Variants in TMEM59L observed in about 807,000 individuals in gnomAD.
TMEM59L encodes the protein transmembrane protein 59 like.
In TMEM59L, 31 loss-of-function variants were observed where a neutral mutation model predicts 39.6. The ratio of observed to expected loss-of-function variants is 0.78; its 90% CI spans 0.59 to 1.06. TMEM59L has a LOEUF of 1.06. Among genes scored for constraint, TMEM59L ranks in the 50% least tolerant of loss-of-function variants. The pLI, the probability that TMEM59L is intolerant of heterozygous loss-of-function variation, is 0.00. For synonymous variants in TMEM59L, 219 were observed against 202.9 expected, an observed-to-expected ratio of 1.08 and a Z score of -0.68; for missense variants, 441 against 451.3, an observed-to-expected ratio of 0.98 and a Z score of 0.21.
chr19:18,613,285 T>C (rs1976390359), intron 1 of TMEM59L, among the ~76,000 whole-genome samples, 156 bp downstream of exon 1: 2 of 152,104 alleles, frequency 1.3e-5, no homozygotes, highest in South Asian at 2.1e-4. Context: ...TCTCCAGTAG[T>C]TGACGGGCTG....
intron 7 of TMEM59L, among the ~76,000 whole-genome samples, chr19:18,619,099 C>T (rs1443471970): frequency 6.6e-6 from 1 of 152,136 alleles, no homozygotes; most frequent in African/African-American, 2.4e-5. Context: ...TCAAGCAATC[C>T]TCCTGCCTCA....
At position 18,616,071 on chromosome 19, in the gene TMEM59L, T is replaced by C; in HGVS notation, c.505T>C (p.Ser169Pro). The C allele has an allele frequency of 6.2e-7, 1 of 1,614,072 alleles. No individual in the cohort carries two copies. ...DLVNSAQGFV[S>P]STWTYYLQTD... ...TGTCAACTCAGCCCAGGGATTTGTC[T>C]CCTCCACCTGGACATACTACTTGCA... The change falls in exon 4 of 8, where the codon TCC (serine) becomes CCC (proline). Residue 169 changes from serine to proline, a missense_variant. Coordinates refer to ENST00000262817, the MANE Select transcript of TMEM59L (RefSeq NM_012109.3).
chr19:18,618,630 C>CAT (rs1030292308), intron 7 of TMEM59L, 138 bp downstream of exon 7: 45 of 575,624 alleles, frequency 7.8e-5, no homozygotes, highest in East Asian at 2.0e-4. Context: ...CATGTATATA[C>CAT]ATATATATAC....
At chr19:18,619,497 A>C (rs1353133604) in intron 7 of TMEM59L, among the ~76,000 whole-genome samples, 1 of 152,156 alleles carries the variant, frequency 6.6e-6, no homozygotes, top group Non-Finnish European at 1.5e-5. Flanking sequence ...TTGTCACTAC[A>C]AATCATTTAA....
At chr19:18,617,243 G>T (rs1215683179) in intron 5 of TMEM59L, 141 bp downstream of exon 5, 1 of 717,018 alleles carries the variant, frequency 1.4e-6, no homozygotes, top group Non-Finnish European at 2.5e-6. Flanking sequence ...AGGTCTCCAT[G>T]GTCTATTTCC....
intron 4 of TMEM59L, 120 bp from the exon 5 acceptor site, chr19:18,616,880 C>G: frequency 1.3e-6 from 1 of 748,976 alleles, no homozygotes; most frequent in Non-Finnish European, 2.2e-6. Context: ...AAGCCCACCC[C>G]TGATACCCAG....
chr19:18,619,726 C>A (rs1255097183), intron 7 of TMEM59L, among the ~76,000 whole-genome samples: 1 of 150,834 alleles, frequency 6.6e-6, no homozygotes, highest in Non-Finnish European at 1.5e-5. Context: ...ATGGCGTGAA[C>A]CCAGGAGGAG....
rs775043606 is a variant in TMEM59L, at chr19:18,618,366, G to A, written c.783-9G>A. ...TGGGCAGCTGAGTGGTGCCTGCCGG[G>A]CGGGGCAGGCGCTCGGGTCTGCCTC... On this transcript the variant is annotated splice_polypyrimidine_tract_variant and intron_variant, in intron 6 of 7. Coordinates refer to ENST00000262817, the MANE Select transcript of TMEM59L (RefSeq NM_012109.3). 6.2e-7 allele frequency: 1 copy of A among 1,605,500 alleles called. No individual in the cohort carries two copies. Among genetic ancestry groups the A allele is most frequent in the Non-Finnish European group, 8.5e-7 (1 of 1,178,170 alleles).
rs374152488 is a variant in TMEM59L at position 18,618,522 on chromosome 19, C to T, written c.900+30C>T. 136 of 1,582,760 alleles carry T rather than the reference C, an allele frequency of 8.6e-5. No individual in the cohort carries two copies. In the African/African-American group the frequency reaches 1.6e-3, roughly 19 times the overall value. On this transcript the variant is annotated intron_variant, in intron 7 of 7. Transcript: ENST00000262817. ...GTGGGATCTGTGAATGGCGCTGGGC[C>T]GAGGGAGGGGGTGAAGGCAGAGAGA...
chr19:18,615,945 A>T, intron 3 of TMEM59L, 30 bp from the exon 4 acceptor site: 1 of 1,608,018 alleles, frequency 6.2e-7, no homozygotes, highest in Non-Finnish European at 8.5e-7. Flanking sequence ...TTTCGGTGCC[A>T]TCTTTGTGTC....
Position 18,614,087 on chromosome 19 carries a change from G to A in TMEM59L, c.317-17G>A, listed in dbSNP as rs1037064331. ...TGGGAAGGGCCGTCCCCAGTCACCC[G>A]CTCCCACCTCCCACAGCCTGCGTGG... is the stretch of plus-strand genomic sequence containing the variant. On this transcript the variant is annotated splice_polypyrimidine_tract_variant and intron_variant, in intron 2 of 7. Transcript: ENST00000262817. The A allele has an allele frequency of 9.9e-6, 16 of 1,612,102 alleles. 1 individual carries two copies. In the South Asian group the frequency reaches 1.6e-4, roughly 17 times the overall value.
chr19:18,618,291 G>C lies in TMEM59L; in HGVS notation c.782+19G>C. 2.0e-6 allele frequency: 2 copies of C among 1,005,798 alleles called. No individual in the cohort carries two copies. Among genetic ancestry groups the C allele is most frequent in the South Asian group, 1.3e-5 (1 of 78,062 alleles). The allele number at this position is 1,005,798 out of a possible 1,614,324, so 62.3% of individuals were successfully genotyped here. A position where few individuals can be genotyped will look rare whatever the true frequency, so the allele number is the denominator to read the frequency against. On this transcript the variant is annotated intron_variant, in intron 6 of 7. Coordinates refer to ENST00000262817, the MANE Select transcript of TMEM59L (RefSeq NM_012109.3). Reference sequence around the variant, plus strand: ...TGTCCCGGTGGGTGGCAGGACCTTGGGGGTGGGAGGGGGGTGGGACTGGAG... The same window carrying C: ...TGTCCCGGTGGGTGGCAGGACCTTGCGGGTGGGAGGGGGGTGGGACTGGAG...
intron 5 of TMEM59L, 23 bp downstream of exon 5, chr19:18,617,125 G>T (rs1224223590): frequency 6.3e-7 from 1 of 1,591,464 alleles, no homozygotes; most frequent in Non-Finnish European, 8.6e-7. Flanking sequence ...CTAGACCAGT[G>T]TTCCTTCCAT....
At chr19:18,618,311 C>G in intron 6 of TMEM59L, 39 bp downstream of exon 6, 4 of 1,593,892 alleles carry the variant, frequency 2.5e-6, no homozygotes, top group South Asian at 1.1e-5. Flanking sequence ...GGGGGTGGGA[C>G]TGGAGGTACG....
chr19:18,613,365 G>A (rs1976391412), intron 1 of TMEM59L, among the ~76,000 whole-genome samples: 1 of 151,986 alleles, frequency 6.6e-6, no homozygotes, highest in Non-Finnish European at 1.5e-5. Context: ...CCACCTCCCG[G>A]GCTCCTTCCG....
chr19:18,612,950 C>T lies in TMEM59L; in HGVS notation c.-9C>T. 2 of 1,300,712 alleles carry T rather than the reference C, an allele frequency of 1.5e-6. No homozygotes were observed. The highest frequency in any genetic ancestry group is 3.1e-5 in the East Asian group (1 of 31,778). 80.6% of individuals were successfully genotyped at this position (1,300,712 alleles called of 1,614,324 possible). A position where few individuals can be genotyped will look rare whatever the true frequency, so the allele number is the denominator to read the frequency against. ...GGAGTCCCCCGCGCCCCCCGCGTTC[C>T]GCCCGGCCATGGCTGCGGTGGCGCT... On this transcript the variant is annotated 5_prime_UTR_variant, in exon 1 of 8. Coordinates refer to ENST00000262817, the MANE Select transcript of TMEM59L (RefSeq NM_012109.3). This position sits in a 1 kb window ranked among gnomAD's most constrained non-coding sequence, Gnocchi z 6.2.
At position 18,613,136 on chromosome 19, in the gene TMEM59L, C is replaced by G. The variant is rs1370420736; in HGVS notation, c.171+7C>G. On this transcript the variant is annotated splice_region_variant and intron_variant, in intron 1 of 7. Transcript: ENST00000262817. ...CGGCCCGCAGCCCTCGCAGGTGAGG[C>G]GCGTGCGGTGCCAGGTGCCAGCGGG... 2 of 1,275,340 alleles carry G rather than the reference C, an allele frequency of 1.6e-6. No homozygotes were observed. The highest frequency in any genetic ancestry group is 3.1e-5 in the East Asian group (1 of 31,860). The allele number at this position is 1,275,340 out of a possible 1,614,324, so 79.0% of individuals were successfully genotyped here.
rs1976384877 is a variant in TMEM59L, at chr19:18,612,917, C to T, written c.-42C>T. On this transcript the variant is annotated 5_prime_UTR_variant, in exon 1 of 8. Coordinates refer to ENST00000262817, the MANE Select transcript of TMEM59L (RefSeq NM_012109.3). This position sits in a 1 kb window ranked among gnomAD's most constrained non-coding sequence, Gnocchi z 6.2. Reference sequence around the variant, plus strand: ...CAGCCGCTGCATCCTCCGTGCCCGGCCTGAGCTGGAGTCCCCCGCGCCCCC... The same window carrying T: ...CAGCCGCTGCATCCTCCGTGCCCGGTCTGAGCTGGAGTCCCCCGCGCCCCC... The T allele has an allele frequency of 1.6e-6, 2 of 1,272,130 alleles. No homozygotes were observed. Among genetic ancestry groups the T allele is most frequent in the Non-Finnish European group, 2.0e-6 (2 of 1,011,660 alleles). 78.8% of individuals were successfully genotyped at this position (1,272,130 alleles called of 1,614,324 possible).
At chr19:18,620,345 T>A (rs1976481757) in intron 7 of TMEM59L, 63 bp from the exon 8 acceptor site, 6 of 1,469,742 alleles carry the variant, frequency 4.1e-6, no homozygotes, top group Non-Finnish European at 5.5e-6. Context: ...AAGGAGACAG[T>A]CAGGGTTGGG....
Sources: gnomAD v4.1 joint callset for allele counts (sites outside exome capture counted in the v4.1 genomes callset) on GRCh38, gnomAD v4.1.1 for gene constraint, Gnocchi (gnomAD v3.1) non-coding constraint, MANE v1.5 for transcripts, NCBI Gene and HGNC (gene_info 2026-07-23, HGNC 2026-07-21) for gene names.